KCNQ2: variants seen among roughly 807,000 people sequenced by gnomAD.
The protein encoded by KCNQ2 is potassium voltage-gated channel subfamily Q member 2, also known as potassium voltage-gated channel subfamily KQT member 2.
In KCNQ2, 14 loss-of-function variants were observed where a neutral mutation model predicts 84.8. That is an observed-to-expected ratio of 0.17 (90% CI 0.11 to 0.26). The LOEUF (loss-of-function observed/expected upper bound fraction) is 0.26. Ranked by LOEUF, KCNQ2 falls within the 10% of genes least tolerant of loss-of-function variation. The probability of loss-of-function intolerance (pLI) is 1.00; values close to 1 mark genes in which losing one functional copy is unlikely to be tolerated. For synonymous variants in KCNQ2, 599 were observed against 554.1 expected (o/e 1.08, Z -1.14); for missense variants, 788 against 1,254.0 (o/e 0.63, Z 5.61).
chr20:63,424,118 A>T, intron 11 of KCNQ2, 59 bp downstream of exon 11: 1 of 1,538,462 alleles, frequency 6.5e-7, no homozygotes, highest in East Asian at 2.4e-5. Flanking sequence ...CACGTGTGGG[A>T]GAGAGACCAG....
chr20:63,413,757 C>T (rs113531696), intron 14 of KCNQ2, among the ~76,000 whole-genome samples, 176 bp from the exon 15 acceptor site: 4 of 140,134 alleles, frequency 2.9e-5, no homozygotes, highest in East Asian at 1.9e-4. Context: ...CTGCTCTGCC[C>T]GGGACAGGTG....
intron 1 of KCNQ2, chr20:63,447,536 A>G (rs2081466968): frequency 6.6e-6 from 1 of 152,542 alleles, no homozygotes; most frequent in Admixed American, 6.5e-5. Flanking sequence ...TTCCCCTCAG[A>G]TGCTCAAGTT....
In KCNQ2 at chr20:63,402,455, C is replaced by T. The variant is rs967764092; in HGVS notation, c.*4189G>A. The T allele has an allele frequency of 6.6e-6, 1 of 152,436 alleles. No homozygotes were observed. Among genetic ancestry groups the T allele is most frequent in the Non-Finnish European group, 1.5e-5 (1 of 68,192 alleles). 9.4% of individuals were successfully genotyped at this position (152,436 alleles called of 1,614,324 possible). ...CTGCTCCTCGGCTTCTGGGAAGCAACTAGAAATAGCTGAGAGCCCAGCTCT... is the reference window on the plus strand; with the variant it reads ...CTGCTCCTCGGCTTCTGGGAAGCAATTAGAAATAGCTGAGAGCCCAGCTCT... On this transcript the variant is annotated 3_prime_UTR_variant, in exon 17 of 17. Coordinates refer to ENST00000359125, the MANE Select transcript of KCNQ2 (RefSeq NM_172107.4).
chr20:63,467,218 A>G (rs2082104700), intron 1 of KCNQ2, among the ~76,000 whole-genome samples: 1 of 152,038 alleles, frequency 6.6e-6, no homozygotes, highest in African/African-American at 2.4e-5. Flanking sequence ...CGGCCATCCC[A>G]TATCCCTTCT....
In KCNQ2 at chr20:63,445,193, G is replaced by A. The variant is rs1178203052; in HGVS notation, c.514+45C>T. 5.6e-6 allele frequency: 9 copies of A among 1,613,492 alleles called. No homozygotes were observed. The East Asian group carries it at 6.7e-5, about 12-fold the overall frequency. ...CCCCCAGGGCTGAGTCCGTCCCTGG[G>A]TGCCTGGCCCTGATTCTAGCAATAC... On this transcript the variant is annotated intron_variant, in intron 3 of 16. Coordinates refer to ENST00000359125, the MANE Select transcript of KCNQ2 (RefSeq NM_172107.4).
In KCNQ2 at chr20:63,445,225, C is replaced by A; in HGVS notation, c.514+13G>T. The A allele has an allele frequency of 1.9e-6, 3 of 1,613,920 alleles. No individual in the cohort carries two copies. The South Asian group carries it at 3.3e-5, about 18-fold the overall frequency. On this transcript the variant is annotated intron_variant, in intron 3 of 16. Transcript: ENST00000359125. Reference sequence around the variant, plus strand: ...GCCCTGATTCTAGCAATACCACCCCCACCAGGCCTCACCAATCACACAGAA... The same window carrying A: ...GCCCTGATTCTAGCAATACCACCCCAACCAGGCCTCACCAATCACACAGAA...
chr20:63,454,648 C>T (rs1430006593), intron 1 of KCNQ2, among the ~76,000 whole-genome samples: 1 of 152,268 alleles, frequency 6.6e-6, no homozygotes, highest in Non-Finnish European at 1.5e-5. Flanking sequence ...GTCCCCAAGA[C>T]ATCCACACTC....
At chr20:63,412,652 G>C (rs1249915402) in intron 15 of KCNQ2, among the ~76,000 whole-genome samples, 1 of 152,200 alleles carries the variant, frequency 6.6e-6, no homozygotes. Context: ...GAGTTGGGCT[G>C]TGACCCCCAG....
At chr20:63,427,587 C>G (rs1393882551) in intron 10 of KCNQ2, among the ~76,000 whole-genome samples, 1 of 152,270 alleles carries the variant, frequency 6.6e-6, no homozygotes, top group Non-Finnish European at 1.5e-5. Flanking sequence ...CTTTCTGCCT[C>G]TTCCAGCTTC....
rs112315649 is a variant in KCNQ2 at position 63,445,415 on chromosome 20, G to A, written c.388-51C>T. 7.4e-4 allele frequency: 1,187 copies of A among 1,605,162 alleles called. 13 individuals are homozygous for A. In the African/African-American group the frequency reaches 0.013, roughly 18 times the overall value. On this transcript the variant is annotated intron_variant, in intron 2 of 16. Transcript: ENST00000359125. The stretch of plus-strand genomic sequence containing the variant: ...CCTTGAGGCCTGGGGGAGGGCCTGG[G>A]GGCCCAGCCTGGACACCCACAGGAG...
chr20:63,444,513 T>C, intron 4 of KCNQ2, 146 bp downstream of exon 4: 1 of 540,738 alleles, frequency 1.8e-6, no homozygotes, highest in Non-Finnish European at 2.9e-6. Context: ...CGTTCACACC[T>C]GATGGGCTCC....
At chr20:63,443,439 T>TCACCAC (rs1568937880) in intron 4 of KCNQ2, among the ~76,000 whole-genome samples, 4 of 23,782 alleles carry the variant, frequency 1.7e-4, no homozygotes, top group Admixed American at 8.8e-4. Flanking sequence ...ACCATCACCA[T>TCACCAC]CACCACCACC....
intron 4 of KCNQ2, among the ~76,000 whole-genome samples, chr20:63,443,960 G>A (rs1274112765): frequency 6.6e-6 from 1 of 152,206 alleles, no homozygotes. Flanking sequence ...GAGCCTCCGG[G>A]CACAGATGTG....
At position 63,436,530 on chromosome 20, in the gene KCNQ2, C is replaced by CA. The variant is rs1275574529; in HGVS notation, c.1023+2094dup. On this transcript the variant is annotated intron_variant, in intron 7 of 16. Coordinates refer to ENST00000359125, the MANE Select transcript of KCNQ2 (RefSeq NM_172107.4). ...TGGGCAACAGAGCGAGACTCCGTCT[C>CA]AAAAAAAAAAAAAAAATCGCCACAG... Among the ~76,000 whole-genome samples the CA allele has an allele frequency of 8.4e-3, 929 of 110,468 alleles. 6 individuals are homozygous for CA. The highest frequency in any genetic ancestry group is 0.024 in the African/African-American group (709 of 30,090). 72.5% of individuals were successfully genotyped at this position (110,468 alleles called of 152,430 possible).
chr20:63,415,217 C>CATGGGCGGCGT, intron 12 of KCNQ2, 91 bp from the exon 13 acceptor site: 2 of 1,201,366 alleles, frequency 1.7e-6, no homozygotes, highest in Non-Finnish European at 2.4e-6. Context: ...ATGGCCGACG[C>CATGGGCGGCGT]CGCCCATGCG....
chr20:63,428,420 C>A lies in KCNQ2; in HGVS notation c.1164G>T (p.Leu388=). The A allele has an allele frequency of 6.3e-7, 1 of 1,590,040 alleles. No homozygotes were observed. The highest frequency in any genetic ancestry group is 8.6e-7 in the Non-Finnish European group (1 of 1,168,844). Residue 388 remains leucine, a synonymous_variant, in exon 10 of 17, where the codon CTG becomes CTT. Coordinates refer to ENST00000359125, the MANE Select transcript of KCNQ2 (RefSeq NM_172107.4). The part of the protein sequence containing the change: ...TYGASRLIPP[L]NQLELLRNLK... ...GGTTCCTCAGCAGCTCCAGCTGGTT[C>A]AGCGGGGGGATAAGTCTGGGGCAAG...
chr20:63,472,158 G>A lies in KCNQ2; in HGVS notation c.296+10C>T, dbSNP rs1273244539. On this transcript the variant is annotated intron_variant, in intron 1 of 16. Transcript: ENST00000359125. Reference sequence around the variant, plus strand: ...TGGGGGTCGCCACGGGGGCCCCGCCGGCCACTCACACGTAGGCGTGGTAGA... The same window carrying A: ...TGGGGGTCGCCACGGGGGCCCCGCCAGCCACTCACACGTAGGCGTGGTAGA... 7 of 1,494,378 alleles carry A rather than the reference G, an allele frequency of 4.7e-6. No individual in the cohort carries two copies. The African/African-American group carries it at 7.3e-5, about 16-fold the overall frequency. 92.6% of individuals were successfully genotyped at this position (1,494,378 alleles called of 1,614,324 possible).
At chr20:63,412,335 A>G (rs1248580053) in intron 15 of KCNQ2, 1 of 170,972 alleles carries the variant, frequency 5.8e-6, no homozygotes, top group Non-Finnish European at 1.3e-5. Context: ...GGTGAACAAA[A>G]ACAGCTGAAG....
chr20:63,464,403 G>T (rs1212623490), intron 1 of KCNQ2, among the ~76,000 whole-genome samples: 5 of 152,036 alleles, frequency 3.3e-5, no homozygotes, highest in Non-Finnish European at 7.4e-5. Context: ...CTGGCACGGG[G>T]TCTGTGGTTT....
Sources: allele counts gnomAD v4.1 joint callset (sites outside exome capture counted in the v4.1 genomes callset), GRCh38; gene constraint gnomAD v4.1.1; transcripts MANE v1.5; gene names NCBI Gene and HGNC (gene_info 2026-07-23, HGNC 2026-07-21).